Variants in STPG2 observed in about 807,000 individuals in gnomAD.
STPG2 encodes sperm tail PG-rich repeat containing 2.
STPG2 carries 56 observed loss-of-function variants against 54.2 expected under a neutral mutation model. The ratio of observed to expected loss-of-function variants is 1.03; its 90% CI spans 0.83 to 1.29. The LOEUF (loss-of-function observed/expected upper bound fraction) is 1.29, where lower values mean the gene tolerates loss of function less well. Ranked by LOEUF, STPG2 falls within the 50% of genes most tolerant of loss-of-function variation. The pLI is 0.00. For missense variants in STPG2, 596 were observed against 544.9 expected (o/e 1.09, Z -0.93); for synonymous variants, 200 against 181.8 (o/e 1.10, Z -0.81).
At chr4:97,819,152 C>T (rs981745329) in intron 9 of STPG2, among the ~76,000 whole-genome samples, 2 of 151,642 alleles carry the variant, frequency 1.3e-5, no homozygotes, top group African/African-American at 4.8e-5. Context: ...CAGAATTATC[C>T]TGCATTTTAT....
intron 10 of STPG2, among the ~76,000 whole-genome samples, chr4:97,686,619 C>T (rs866361873): frequency 3.9e-5 from 6 of 151,958 alleles, no homozygotes; most frequent in Non-Finnish European, 8.8e-5. Flanking sequence ...TCACATACTC[C>T]CCAATCTTTG....
chr4:97,636,073 T>C (rs984023688), intron 10 of STPG2, among the ~76,000 whole-genome samples: 56 of 152,072 alleles, frequency 3.7e-4, no homozygotes, highest in Non-Finnish European at 6.9e-4. Flanking sequence ...TATTCCAAAA[T>C]TGACCACATA....
At chr4:97,719,392 A>T (rs753061050) in intron 9 of STPG2, among the ~76,000 whole-genome samples, 1 of 151,960 alleles carries the variant, frequency 6.6e-6, no homozygotes, top group African/African-American at 2.4e-5. Flanking sequence ...AGACATCAGA[A>T]TCATCCCAAT....
rs1164863875 is a variant in STPG2, at chr4:98,128,358, G to GA, written c.387+69dup. 1.9e-5 allele frequency: 25 copies of GA among 1,330,418 alleles called. No homozygotes were observed. The African/African-American group carries it at 3.0e-4, about 16-fold the overall frequency. 82.4% of individuals were successfully genotyped at this position (1,330,418 alleles called of 1,614,324 possible). Reference sequence around the variant, plus strand: ...TTTTTTTCTTGGAGAAATAAGCCAGGAAAAAAAGAAACCCATATGTAAATC... The same window carrying GA: ...TTTTTTTCTTGGAGAAATAAGCCAGGAAAAAAAAGAAACCCATATGTAAATC... On this transcript the variant is annotated intron_variant, in intron 3 of 10. Transcript: ENST00000295268.
intron 10 of STPG2, among the ~76,000 whole-genome samples, chr4:97,699,730 C>T (rs1052070528): frequency 1.3e-5 from 2 of 152,144 alleles, no homozygotes; most frequent in Admixed American, 6.5e-5. Flanking sequence ...GATGCACAAC[C>T]ATCTATGAAC....
chr4:97,791,349 A>G (rs1726985892), intron 9 of STPG2, among the ~76,000 whole-genome samples: 2 of 152,338 alleles, frequency 1.3e-5, no homozygotes, highest in South Asian at 4.1e-4. Flanking sequence ...GCCATGCTGA[A>G]CAATGAATTT....
intron 9 of STPG2, among the ~76,000 whole-genome samples, chr4:97,794,227 C>T (rs901224957): frequency 6.6e-6 from 1 of 152,002 alleles, no homozygotes; most frequent in African/African-American, 2.4e-5. Context: ...AATATCTTTG[C>T]ATTTCTTAGA....
chr4:97,720,584 G>A (rs1030377295), intron 9 of STPG2, among the ~76,000 whole-genome samples: 1 of 151,902 alleles, frequency 6.6e-6, no homozygotes, highest in Non-Finnish European at 1.5e-5. Context: ...TCTCTAAAAG[G>A]TGAACTGGGT....
intron 4 of STPG2, among the ~76,000 whole-genome samples, chr4:97,453,205 A>G (rs540513540): frequency 6.6e-6 from 1 of 152,328 alleles, no homozygotes; most frequent in African/African-American, 2.4e-5. Context: ...CATGTTCTGG[A>G]GCCAGCAGGG....
chr4:97,717,547 C>A (rs1724329219), intron 9 of STPG2, among the ~76,000 whole-genome samples: 2 of 152,152 alleles, frequency 1.3e-5, no homozygotes, highest in South Asian at 4.1e-4. Flanking sequence ...ACTGAAATAT[C>A]TCTTCAGACA....
At chr4:97,947,129 T>C (rs1352907115) in intron 7 of STPG2, among the ~76,000 whole-genome samples, 1 of 152,104 alleles carries the variant, frequency 6.6e-6, no homozygotes, top group Non-Finnish European at 1.5e-5. Context: ...TATTCCAGGA[T>C]ATTTTATCTT....
At chr4:98,076,235 C>T (rs975939404) in intron 5 of STPG2, among the ~76,000 whole-genome samples, 2 of 140,592 alleles carry the variant, frequency 1.4e-5, no homozygotes, top group Non-Finnish European at 3.2e-5. Context: ...CAGAGCGAGA[C>T]TCTGTCTCAA....
chr4:98,059,371 G>A (rs113947009), intron 5 of STPG2, among the ~76,000 whole-genome samples: 3 of 151,950 alleles, frequency 2.0e-5, no homozygotes, highest in African/African-American at 7.2e-5. Flanking sequence ...CTGATTTCCT[G>A]AACAGACTGA....
chr4:97,732,404 G>A (rs941480756), intron 9 of STPG2, among the ~76,000 whole-genome samples: 2 of 152,074 alleles, frequency 1.3e-5, no homozygotes, highest in Admixed American at 6.5e-5. Context: ...TCTTCATATG[G>A]CTTGCCAGTT....
At chr4:97,570,289 C>T (rs935736270) in intron 10 of STPG2, among the ~76,000 whole-genome samples, 2 of 152,056 alleles carry the variant, frequency 1.3e-5, no homozygotes, top group African/African-American at 4.8e-5. Context: ...TAGCTAAACT[C>T]GGTTTTATAA....
At chr4:97,584,024 A>T (rs1440001550) in intron 10 of STPG2, among the ~76,000 whole-genome samples, 1 of 151,956 alleles carries the variant, frequency 6.6e-6, no homozygotes, top group African/African-American at 2.4e-5. Flanking sequence ...ACCCTAGAAC[A>T]AATGGACTCA....
intron 9 of STPG2, among the ~76,000 whole-genome samples, chr4:97,722,336 C>G (rs1466749915): frequency 6.6e-6 from 1 of 152,092 alleles, no homozygotes; most frequent in African/African-American, 2.4e-5. Flanking sequence ...TAGATGAAAT[C>G]TGATACTACA....
At chr4:97,463,054 G>C (rs1032185964) in intron 4 of STPG2, among the ~76,000 whole-genome samples, 1 of 152,000 alleles carries the variant, frequency 6.6e-6, no homozygotes, top group African/African-American at 2.4e-5. Context: ...AATCTATTAA[G>C]ATGATCACAT....
At chr4:97,645,305 GAAA>G (rs796384753) in intron 10 of STPG2, among the ~76,000 whole-genome samples, 1 of 136,754 alleles carries the variant, frequency 7.3e-6, no homozygotes, top group African/African-American at 2.7e-5. Context: ...GTATCTTGCT[GAAA>G]AAAAAAAAAA....
Sources: gnomAD v4.1 joint callset for allele counts (sites outside exome capture counted in the v4.1 genomes callset) on GRCh38, gnomAD v4.1.1 for gene constraint, MANE v1.5 for transcripts, NCBI Gene and HGNC (gene_info 2026-07-23, HGNC 2026-07-21) for gene names.